DHRSX: variants seen among roughly 807,000 people sequenced by gnomAD.
The protein encoded by DHRSX is dehydrogenase/reductase X-linked, also known as polyprenol dehydrogenase.
DHRSX carries 31 observed loss-of-function variants against 34.0 expected under a neutral mutation model. That is an observed-to-expected ratio of 0.91 (90% CI 0.69 to 1.23). The LOEUF (loss-of-function observed/expected upper bound fraction) is 1.23, where lower values mean the gene tolerates loss of function less well. DHRSX is among the 50% of genes most tolerant of loss of function. The pLI is 0.00. For synonymous variants in DHRSX, 201 were observed against 183.8 expected (o/e 1.09, Z -0.76); for missense variants, 414 against 428.1 (o/e 0.97, Z 0.29).
chrX:2,365,365 C>T (rs2042984233), intron 3 of DHRSX, among the ~76,000 whole-genome samples: 1 of 152,136 alleles, frequency 6.6e-6, no homozygotes, highest in Non-Finnish European at 1.5e-5. Flanking sequence ...GTCTCGAACT[C>T]CTGACCACAA....
chrX:2,269,967 T>C (rs2041527599), intron 4 of DHRSX, among the ~76,000 whole-genome samples: 1 of 152,168 alleles, frequency 6.6e-6, no homozygotes, highest in Non-Finnish European at 1.5e-5. Flanking sequence ...GTACACGTGC[T>C]TGTGTTTGTG....
At chrX:2,376,211 T>C (rs2043138944) in intron 3 of DHRSX, among the ~76,000 whole-genome samples, 1 of 137,648 alleles carries the variant, frequency 7.3e-6, no homozygotes, top group Admixed American at 7.3e-5. Flanking sequence ...CTGGGGCCAA[T>C]TGCAGTACGG....
rs369440446 is a variant in DHRSX at position 2,488,584 on chromosome X, G to A, written c.109+12233C>T. ...TGACCGGGTAAGTATTTACAGCAAA[G>A]CATCCAATGGGCTGCTGCGGGGATG... On this transcript the variant is annotated intron_variant, in intron 1 of 6. Coordinates refer to ENST00000334651, the MANE Select transcript of DHRSX (RefSeq NM_145177.3). The A allele has an allele frequency of 3.5e-5, 53 of 1,532,032 alleles. No individual in the cohort carries two copies. The African/African-American group carries it at 5.7e-4, about 16-fold the overall frequency. 94.9% of individuals were successfully genotyped at this position (1,532,032 alleles called of 1,614,324 possible). A position where few individuals can be genotyped will look rare whatever the true frequency, so the allele number is the denominator to read the frequency against.
At chrX:2,406,047 A>G (rs2043550812) in intron 3 of DHRSX, among the ~76,000 whole-genome samples, 1 of 151,996 alleles carries the variant, frequency 6.6e-6, no homozygotes. Flanking sequence ...TAATCCCAAC[A>G]CTTTGGGAGG....
chrX:2,438,973 T>C (rs5939318), intron 1 of DHRSX, among the ~76,000 whole-genome samples: 120,143 of 151,508 alleles, frequency 0.79, 48,014 homozygotes, highest in East Asian at 1. Context: ...GGTAAAACCC[T>C]GTCTCTACTA....
intron 4 of DHRSX, among the ~76,000 whole-genome samples, chrX:2,288,547 G>A (rs1419638992): frequency 2.0e-5 from 3 of 152,174 alleles, no homozygotes; most frequent in African/African-American, 7.2e-5. Context: ...TTTAAGGCCG[G>A]GTTGGAGGCC....
intron 1 of DHRSX, among the ~76,000 whole-genome samples, chrX:2,477,702 G>A (rs1569505305): frequency 1.3e-5 from 2 of 152,162 alleles, no homozygotes; most frequent in South Asian, 2.1e-4. Context: ...AAAATTAGCC[G>A]AGCGTGGTGG....
intron 3 of DHRSX, among the ~76,000 whole-genome samples, chrX:2,345,765 G>A (rs2042700780): frequency 6.6e-6 from 1 of 152,040 alleles, no homozygotes; most frequent in African/African-American, 2.4e-5. Flanking sequence ...TAGAACAGAA[G>A]ACTAATGTTA....
chrX:2,269,567 G>A (rs943094039), intron 4 of DHRSX, among the ~76,000 whole-genome samples: 8 of 152,064 alleles, frequency 5.3e-5, no homozygotes, highest in East Asian at 1.9e-4. Flanking sequence ...GAGGAGTTTC[G>A]CTCTTGTCGT....
At chrX:2,323,854 T>C (rs898733760) in intron 3 of DHRSX, among the ~76,000 whole-genome samples, 8 of 151,900 alleles carry the variant, frequency 5.3e-5, no homozygotes, top group African/African-American at 1.9e-4. Flanking sequence ...GCTTCCGGTT[T>C]CTCCTCTAAT....
At chrX:2,359,503 C>A (rs1168573689) in intron 3 of DHRSX, among the ~76,000 whole-genome samples, 1 of 152,004 alleles carries the variant, frequency 6.6e-6, no homozygotes, top group Non-Finnish European at 1.5e-5. Context: ...CATGGTGAAA[C>A]CCCGTCTCTA....
intron 3 of DHRSX, among the ~76,000 whole-genome samples, chrX:2,311,163 A>G (rs1361713374): frequency 6.6e-6 from 1 of 151,832 alleles, no homozygotes; most frequent in Non-Finnish European, 1.5e-5. Flanking sequence ...AGACACAGAG[A>G]AAGTGACAGA....
At chrX:2,369,402 T>TGTGA (rs1491574917) in intron 3 of DHRSX, among the ~76,000 whole-genome samples, 6 of 151,964 alleles carry the variant, frequency 3.9e-5, no homozygotes, top group Middle Eastern at 3.2e-3. Flanking sequence ...CTTGATGTCT[T>TGTGA]GTGAGTCAAC....
intron 1 of DHRSX, among the ~76,000 whole-genome samples, chrX:2,449,206 G>A (rs1192491208): frequency 6.6e-6 from 1 of 150,692 alleles, no homozygotes; most frequent in African/African-American, 2.4e-5. Flanking sequence ...AAAAAAAAAT[G>A]TGTCCACTCT....
At chrX:2,318,113 G>A (rs2042262008) in intron 3 of DHRSX, among the ~76,000 whole-genome samples, 1 of 151,720 alleles carries the variant, frequency 6.6e-6, no homozygotes, top group South Asian at 2.1e-4. Context: ...GGGAGGCTGA[G>A]GCAGGAGGAT....
chrX:2,380,737 C>T (rs867568572), intron 3 of DHRSX, among the ~76,000 whole-genome samples: 3 of 152,174 alleles, frequency 2.0e-5, no homozygotes, highest in Admixed American at 6.5e-5. Context: ...CCATCACCAC[C>T]GAGCATTCAT....
At chrX:2,311,133 CAGAG>C (rs747502438) in intron 3 of DHRSX, among the ~76,000 whole-genome samples, 24 of 147,134 alleles carry the variant, frequency 1.6e-4, no homozygotes, top group African/African-American at 4.8e-4. Flanking sequence ...AAGCGAGAGA[CAGAG>C]AGAGAGAAAG....
At chrX:2,291,896 A>ATTTTTTTTTTTTTTTTTT (rs928376249) in intron 3 of DHRSX, among the ~76,000 whole-genome samples, 3 of 96,136 alleles carry the variant, frequency 3.1e-5, no homozygotes, top group Admixed American at 1.2e-4. Context: ...GTATTTTTGT[A>ATTTTTTTTTTTTTTTTTT]TTTTTTTTTT....
intron 5 of DHRSX, among the ~76,000 whole-genome samples, chrX:2,259,351 T>TATAG (rs1397463474): frequency 8.1e-6 from 1 of 123,750 alleles, no homozygotes; most frequent in Non-Finnish European, 1.9e-5. Context: ...GATATAGATA[T>TATAG]ATAGATAGAT....
Sources: gnomAD v4.1 joint callset for allele counts (sites outside exome capture counted in the v4.1 genomes callset) on GRCh38, gnomAD v4.1.1 for gene constraint, MANE v1.5 for transcripts, NCBI Gene and HGNC (gene_info 2026-07-23, HGNC 2026-07-21) for gene names.